TRPV5: variants seen among roughly 807,000 people sequenced by gnomAD.
TRPV5 encodes the protein transient receptor potential cation channel subfamily V member 5, also known as calcium transport protein 2.
A neutral mutation model predicts 74.1 loss-of-function variants in TRPV5; 66 were observed. The observed-to-expected ratio is 0.89, with a 90% CI of 0.73 to 1.09. TRPV5 has a LOEUF of 1.09. Ranked by LOEUF, TRPV5 falls within the 50% of genes least tolerant of loss-of-function variation. TRPV5 has a pLI of 0.00. For synonymous variants in TRPV5, 399 were observed against 360.7 expected, an observed-to-expected ratio of 1.11 and a Z score of -1.20; for missense variants, 936 against 930.4, an observed-to-expected ratio of 1.01 and a Z score of -0.08.
rs764802534 is a variant in TRPV5 at position 142,928,117 on chromosome 7, C to T, written c.880G>A (p.Glu294Lys). 1.2e-6 allele frequency: 2 copies of T among 1,614,040 alleles called. No individual in the cohort carries two copies. The highest frequency in any genetic ancestry group is 1.7e-5 in the Admixed American group (1 of 59,992). ...CGTTTATCAGAGGAGACCACAAGCTCCAGGAAGGACAGCTCCTCTCCCCAG... is the reference window on the plus strand; with the variant it reads ...CGTTTATCAGAGGAGACCACAAGCTTCAGGAAGGACAGCTCCTCTCCCCAG... ...DSWGEELSFLELVVSSDKREA... is the reference protein window; with the variant it reads ...DSWGEELSFLKLVVSSDKREA... The change falls in exon 7 of 15, where the codon GAG (glutamate) becomes AAG (lysine). Residue 294 changes from glutamate (E) to lysine (K), a missense_variant. By Grantham distance (56) the Glu-to-Lys change is moderately conservative. Transcript: ENST00000265310.
chr7:142,919,630 C>T (rs1207716010), intron 8 of TRPV5, among the ~76,000 whole-genome samples: 1 of 152,154 alleles, frequency 6.6e-6, no homozygotes, highest in Non-Finnish European at 1.5e-5. Context: ...CACAACATGG[C>T]TTGCAATTTA....
intron 4 of TRPV5, 60 bp downstream of exon 4, chr7:142,929,368 C>T: frequency 6.3e-7 from 1 of 1,589,144 alleles, no homozygotes; most frequent in Non-Finnish European, 8.6e-7. Flanking sequence ...ATGCCCTGGC[C>T]TCCCTCTGCC....
intron 8 of TRPV5, among the ~76,000 whole-genome samples, chr7:142,918,326 A>G (rs1258186853): frequency 6.6e-6 from 1 of 152,200 alleles, no homozygotes; most frequent in African/African-American, 2.4e-5. Flanking sequence ...TTATCAGGGC[A>G]CCCATTCTCC....
At chr7:142,928,925 C>T in intron 5 of TRPV5, 59 bp from the exon 6 acceptor site, 2 of 1,611,772 alleles carry the variant, frequency 1.2e-6, no homozygotes, top group South Asian at 1.1e-5. Context: ...TGTCCCCATC[C>T]CCACTCTGGG....
chr7:142,912,871 T>TCTAC (rs1365647584), intron 12 of TRPV5, 121 bp from the exon 13 acceptor site: 7 of 1,098,320 alleles, frequency 6.4e-6, no homozygotes, highest in African/African-American at 1.6e-5. Flanking sequence ...TATCTATCTA[T>TCTAC]CTATCTATCT....
intron 13 of TRPV5, 24 bp from the exon 14 acceptor site, chr7:142,909,620 G>A: frequency 6.2e-7 from 1 of 1,609,620 alleles, no homozygotes; most frequent in Non-Finnish European, 8.5e-7. Context: ...GGAGATACAG[G>A]AAGAACTCTG....
rs148520745 is a variant in TRPV5, at chr7:142,916,621, G to A, written c.1123-1053C>T. On this transcript the variant is annotated intron_variant, in intron 8 of 14. Coordinates refer to ENST00000265310, the MANE Select transcript of TRPV5 (RefSeq NM_019841.7). ...ATAGTGCACCCAAGAAAGGAGTTGA[G>A]AGTCCCCTGGGGCCAGCAGGAAAGC... Among the ~76,000 whole-genome samples, 903 of 152,316 alleles carry A rather than the reference G, an allele frequency of 5.9e-3. 43 individuals carry two copies. The highest frequency in any genetic ancestry group is 0.055 in the Admixed American group (838 of 15,300).
chr7:142,933,392 A>G lies in TRPV5; in HGVS notation c.68T>C (p.Leu23Pro), dbSNP rs118026031. The change falls in exon 1 of 15, where the codon CTG becomes CCG. Residue 23 changes from leucine (L) to proline (P), a missense_variant. Transcript: ENST00000265310. Reference sequence around the variant, plus strand: ...CTGGTCCCAGTCTTGTTCTCTGACCAGAAAGGAGGGCAGAAGTTTCTGGAG... The same window carrying G: ...CTGGTCCCAGTCTTGTTCTCTGACCGGAAAGGAGGGCAGAAGTTTCTGGAG... The part of the protein sequence containing the change: ...SQLQKLLPSF[L>P]VREQDWDQHL... The G allele has an allele frequency of 1.5e-3, 2,374 of 1,614,186 alleles. 2 individuals are homozygous for G. The highest frequency in any genetic ancestry group is 2.3e-3 in the Middle Eastern group (14 of 6,048).
intron 3 of TRPV5, 101 bp from the exon 4 acceptor site, chr7:142,929,666 T>A: frequency 6.5e-7 from 1 of 1,531,154 alleles, no homozygotes; most frequent in South Asian, 1.2e-5. Flanking sequence ...CTGATAGATC[T>A]TTGCTAGACT....
Position 142,930,395 on chromosome 7 carries a change from AAC to A in TRPV5, c.178_179del (p.Val60SerfsTer2), listed in dbSNP as rs781630781. 9.3e-6 allele frequency: 15 copies of A among 1,614,186 alleles called. No homozygotes were observed. The highest frequency in any genetic ancestry group is 1.2e-5 in the Non-Finnish European group (14 of 1,180,024). On this transcript the variant is annotated frameshift_variant, in exon 2 of 15. Coordinates refer to ENST00000265310, the MANE Select transcript of TRPV5 (RefSeq NM_019841.7). LOFTEE classifies it high-confidence loss of function. ...TGCAGTCCAGTAGAAGTTGCCTAAG[AAC>A]AGACAGGTCATTTTCCTTGGATGCT... is the stretch of plus-strand genomic sequence containing the variant. ...LRASKENDLS[V>X]LRQLLLDCTC...
At position 142,925,557 on chromosome 7, in the gene TRPV5, A is replaced by G; in HGVS notation, c.1094T>C (p.Ile365Thr). The G allele has an allele frequency of 6.2e-7, 1 of 1,614,156 alleles. No individual in the cohort carries two copies. ...RGGNRTHSRD[I>T]TILQQKLLQE... ...TAGTAGTTTTTGCTGGAGGATGGTG[A>G]TGTCTCGAGAATGAGTGCGGTTGCC... Residue 365 changes from isoleucine to threonine, a missense_variant, in exon 8 of 15, where the codon ATC becomes ACC. By Grantham distance (89) the Ile-to-Thr change is moderately conservative. Transcript: ENST00000265310.
chr7:142,925,439 C>A (rs561000523), intron 8 of TRPV5, 90 bp downstream of exon 8: 6 of 1,377,644 alleles, frequency 4.4e-6, no homozygotes, highest in Non-Finnish European at 6.1e-6. Flanking sequence ...GAACCCAGAG[C>A]GTGGCATCGT....
intron 1 of TRPV5, 77 bp from the exon 2 acceptor site, chr7:142,930,523 T>C: frequency 9.2e-7 from 1 of 1,088,642 alleles, no homozygotes; most frequent in South Asian, 1.2e-5. Context: ...ATCTAAGACA[T>C]TCTTTAAGAC....
intron 8 of TRPV5, among the ~76,000 whole-genome samples, chr7:142,917,579 A>G (rs1004377286): frequency 6.6e-6 from 1 of 152,202 alleles, no homozygotes; most frequent in African/African-American, 2.4e-5. Flanking sequence ...TTGGTCACCA[A>G]ATTCTCCTGC....
intron 8 of TRPV5, 92 bp from the exon 9 acceptor site, chr7:142,915,660 A>C (rs574462894): frequency 7.7e-7 from 1 of 1,304,744 alleles, no homozygotes; most frequent in East Asian, 2.5e-5. Context: ...CCCATCCAAA[A>C]TAAAGGAAAC....
At chr7:142,921,363 C>A (rs4252453) in intron 8 of TRPV5, among the ~76,000 whole-genome samples, 187 of 152,248 alleles carry the variant, frequency 1.2e-3, no homozygotes, top group Middle Eastern at 6.8e-3. Context: ...CTCACTGCAA[C>A]CTCTGACTCC....
chr7:142,920,135 T>C (rs1337957452), intron 8 of TRPV5, among the ~76,000 whole-genome samples: 1 of 152,158 alleles, frequency 6.6e-6, no homozygotes, highest in Non-Finnish European at 1.5e-5. Context: ...TGTAGGCGTT[T>C]TGGACGTGTA....
intron 8 of TRPV5, among the ~76,000 whole-genome samples, chr7:142,920,538 T>G (rs903244237): frequency 6.6e-6 from 1 of 152,088 alleles, no homozygotes; most frequent in African/African-American, 2.4e-5. Context: ...GGCTAGCCAA[T>G]AGAGAAGACT....
intron 8 of TRPV5, among the ~76,000 whole-genome samples, chr7:142,924,097 G>T (rs1031518775): frequency 6.6e-6 from 1 of 151,234 alleles, no homozygotes; most frequent in Non-Finnish European, 1.5e-5. Flanking sequence ...CAACTTTTGC[G>T]GCCAGACTGA....
Sources: allele counts gnomAD v4.1 joint callset (sites outside exome capture counted in the v4.1 genomes callset), GRCh38; gene constraint gnomAD v4.1.1; transcripts MANE v1.5; gene names NCBI Gene and HGNC (gene_info 2026-07-23, HGNC 2026-07-21).